Variants in IRAG2 observed in about 807,000 individuals in gnomAD.
The protein encoded by IRAG2 is inositol 1,4,5-triphosphate receptor associated 2.
IRAG2 carries 45 observed loss-of-function variants against 69.9 expected under a neutral mutation model. The ratio of observed to expected loss-of-function variants is 0.64; its 90% CI spans 0.51 to 0.83. The LOEUF (loss-of-function observed/expected upper bound fraction) is 0.83, where lower values mean the gene tolerates loss of function less well. Ranked by LOEUF, IRAG2 falls within the 40% of genes least tolerant of loss-of-function variation. The pLI, the probability that IRAG2 is intolerant of heterozygous loss-of-function variation, is 0.00. For synonymous variants in IRAG2, 193 were observed against 202.4 expected, an observed-to-expected ratio of 0.95 and a Z score of 0.40; for missense variants, 520 against 587.0, an observed-to-expected ratio of 0.89 and a Z score of 1.18.
At chr12:25,103,184 A>G (rs1291387215) in intron 17 of IRAG2, 8 of 152,222 alleles carry the variant, frequency 5.3e-5, no homozygotes, top group Admixed American at 5.2e-4. Context: ...ACTTATTTAA[A>G]CCTTAAGAAC....
chr12:25,104,102 T>G (rs1447504728), intron 19 of IRAG2, 44 bp downstream of exon 19: 1 of 1,554,346 alleles, frequency 6.4e-7, no homozygotes, highest in Non-Finnish European at 8.9e-7. Flanking sequence ...CTTACTATTT[T>G]ATACTTGGGC....
At chr12:25,012,833 GA>G (rs1482228668) in intron 3 of IRAG2, among the ~76,000 whole-genome samples, 2 of 152,178 alleles carry the variant, frequency 1.3e-5, no homozygotes, top group African/African-American at 4.8e-5. Context: ...CAAAAAGAGA[GA>G]AAATGTCAAG....
rs1369064977 is a variant in IRAG2 at position 25,103,063 on chromosome 12, C to T, written c.934-774C>T. ...GGGCCGCAGTTTCATATTCTTGATG[C>T]TCAACTAACCTATGAAATTAAATTA... On this transcript the variant is annotated intron_variant, in intron 17 of 21. Transcript: ENST00000556887. 3.3e-5 allele frequency: 5 copies of T among 152,138 alleles called. No homozygotes were observed. The South Asian group carries it at 8.3e-4, about 25-fold the overall frequency. 9.4% of individuals were successfully genotyped at this position (152,138 alleles called of 1,614,324 possible). A position where few individuals can be genotyped will look rare whatever the true frequency, so the allele number is the denominator to read the frequency against.
chr12:25,063,806 A>C lies in IRAG2; in HGVS notation c.-217A>C, dbSNP rs1434498478. 5.0e-6 allele frequency: 2 copies of C among 398,908 alleles called. No individual in the cohort carries two copies. The highest frequency in any genetic ancestry group is 4.1e-5 in the African/African-American group (2 of 48,628). 24.7% of individuals were successfully genotyped at this position (398,908 alleles called of 1,614,324 possible). A position where few individuals can be genotyped will look rare whatever the true frequency, so the allele number is the denominator to read the frequency against. On this transcript the variant is annotated 5_prime_UTR_variant, in exon 4 of 22. Coordinates refer to ENST00000556887, the MANE Select transcript of IRAG2 (RefSeq NM_001366544.2). The stretch of plus-strand genomic sequence containing the variant: ...CCTTGAAACATACGTGCTGGTACAC[A>C]CCTCTGCTGGGTAAGCCCCCCTTCT...
Position 25,021,061 on chromosome 12 carries a change from A to G in IRAG2, c.1332+154A>G, listed in dbSNP as rs992632409. On this transcript the variant is annotated intron_variant, in intron 7 of 38. Coordinates refer to the IRAG2 transcript ENST00000636465. The stretch of plus-strand genomic sequence containing the variant: ...GTAAAGGCAGGTAGGATTTTTTTAA[A>G]TCTGTGTTTTCCTTTTCTTTCTTTC... The G allele has an allele frequency of 3.8e-5, 15 of 394,704 alleles. No homozygotes were observed. The East Asian group carries it at 5.5e-4, about 14-fold the overall frequency. The allele number at this position is 394,704 out of a possible 1,614,324, so 24.5% of individuals were successfully genotyped here. A position where few individuals can be genotyped will look rare whatever the true frequency, so the allele number is the denominator to read the frequency against.
At chr12:25,104,319 A>G in intron 19 of IRAG2, 42 bp from the exon 20 acceptor site, 1 of 1,233,222 alleles carries the variant, frequency 8.1e-7, no homozygotes, top group Non-Finnish European at 1.2e-6. Context: ...ATGGCTACAG[A>G]TGTATTTGAT....
At chr12:25,031,112 AATG>A (rs1944664439) in intron 10 of IRAG2, 5 of 972,232 alleles carry the variant, frequency 5.1e-6, no homozygotes, top group Non-Finnish European at 6.1e-6. Context: ...GTGAAGAAAG[AATG>A]ATATTTGCCA....
At position 25,043,987 on chromosome 12, in the gene IRAG2, A is replaced by G. The variant is rs543330252; in HGVS notation, c.2144+5850A>G. ...AAAGTAAGAATTTTAACAAAAAGAAAATACAAACACAGAACACTGTAACAC... is the reference window on the plus strand; with the variant it reads ...AAAGTAAGAATTTTAACAAAAAGAAGATACAAACACAGAACACTGTAACAC... On this transcript the variant is annotated intron_variant, in intron 16 of 38. Transcript: ENST00000636465. 3.0e-4 allele frequency among the ~76,000 whole-genome samples: 46 copies of G among 152,354 alleles called. 2 individuals carry two copies. Among genetic ancestry groups the G allele is most frequent in the African/African-American group, 9.9e-4 (41 of 41,588 alleles).
At chr12:25,066,689 A>T in intron 5 of IRAG2, among the ~76,000 whole-genome samples, 177 bp downstream of exon 5, 1 of 148,378 alleles carries the variant, frequency 6.7e-6, no homozygotes, top group Non-Finnish European at 1.5e-5. Flanking sequence ...TTGAGATGGA[A>T]TCTCGCTCTC....
upstream of IRAG2, among the ~76,000 whole-genome samples, chr12:25,002,318 T>C (rs1944397325): frequency 6.6e-6 from 1 of 152,226 alleles, no homozygotes; most frequent in South Asian, 2.1e-4. Flanking sequence ...GATAAGTCCA[T>C]AAGCCCACTA....
chr12:25,020,258 T>C (rs1944567303), intron 6 of IRAG2, among the ~76,000 whole-genome samples: 1 of 152,242 alleles, frequency 6.6e-6, no homozygotes, highest in African/African-American at 2.4e-5. Context: ...TTCCAATGCT[T>C]TGTTATAATC....
Position 25,106,950 on chromosome 12 carries a change from G to T in IRAG2, c.1156G>T (p.Asp386Tyr). 1 of 1,555,216 alleles carries T rather than the reference G, an allele frequency of 6.4e-7. No individual in the cohort carries two copies. The highest frequency in any genetic ancestry group is 1.4e-5 in the African/African-American group (1 of 73,040). Reference protein sequence around the residue: ...EEEKCELKTKDDSEPSGEETV... With the variant: ...EEEKCELKTKYDSEPSGEETV... ...AACAACATTTATTTACAGAACTAAA[G>T]ATGACTCAGAGCCATCTGGAGAAGA... Residue 386 changes from aspartate to tyrosine, a missense_variant, in exon 21 of 22, where the codon GAT (aspartate) becomes TAT (tyrosine). Asp to Tyr is a radical substitution (Grantham distance 160, BLOSUM62 -3). Coordinates refer to ENST00000556887, the MANE Select transcript of IRAG2 (RefSeq NM_001366544.2).
chr12:25,060,104 A>G (rs1034624355), intron 1 of IRAG2, among the ~76,000 whole-genome samples: 3 of 152,170 alleles, frequency 2.0e-5, no homozygotes, highest in African/African-American at 7.2e-5. Context: ...ATCCTTGTTT[A>G]AGTTTTGCTT....
chr12:25,074,443 A>G (rs1446921520), intron 6 of IRAG2, among the ~76,000 whole-genome samples: 1 of 152,038 alleles, frequency 6.6e-6, no homozygotes, highest in East Asian at 1.9e-4. Context: ...CAGACTTTTA[A>G]CCTCTCGAGA....
At chr12:25,054,319 A>G (rs1307896831) in intron 1 of IRAG2, among the ~76,000 whole-genome samples, 1 of 152,140 alleles carries the variant, frequency 6.6e-6, no homozygotes, top group Non-Finnish European at 1.5e-5. Flanking sequence ...AGGCATTCCA[A>G]AGTTGGTTTA....
At chr12:25,106,629 C>G (rs1949159792) in intron 20 of IRAG2, among the ~76,000 whole-genome samples, 1 of 125,760 alleles carries the variant, frequency 8.0e-6, no homozygotes, top group Non-Finnish European at 1.7e-5. Flanking sequence ...TCTGAAAGTT[C>G]TTTTTAAATT....
Position 25,106,382 on chromosome 12 carries a change from AAT to A in IRAG2, c.1149-558_1149-557del, listed in dbSNP as rs1353139437. On this transcript the variant is annotated intron_variant, in intron 20 of 21. Coordinates refer to ENST00000556887, the MANE Select transcript of IRAG2 (RefSeq NM_001366544.2). ...ATATATATAAATATATATATTATGG[AAT>A]ATGTGTGTATATATTATAAACTTTG... Among the ~76,000 whole-genome samples, 15 of 139,012 alleles carry A rather than the reference AAT, an allele frequency of 1.1e-4. No individual in the cohort carries two copies. In the East Asian group the frequency reaches 3.3e-3, roughly 31 times the overall value. The allele number at this position is 139,012 out of a possible 152,430, so 91.2% of individuals were successfully genotyped here.
intron 5 of IRAG2, among the ~76,000 whole-genome samples, chr12:25,068,578 G>C (rs1443949017): frequency 2.6e-5 from 4 of 152,136 alleles, no homozygotes; most frequent in African/African-American, 9.7e-5. Flanking sequence ...ACCACAGATT[G>C]GTTCCCCTGG....
At chr12:25,011,376 G>A in exon 3 of IRAG2, 1 of 1,231,754 alleles carries the variant, frequency 8.1e-7, no homozygotes, top group Non-Finnish European at 1.0e-6. Flanking sequence ...CAAAGGCTCA[G>A]TCGGAGTGGC....
Sources: gnomAD v4.1 joint callset for allele counts (sites outside exome capture counted in the v4.1 genomes callset) on GRCh38, gnomAD v4.1.1 for gene constraint, MANE v1.5 for transcripts, NCBI Gene and HGNC (gene_info 2026-07-23, HGNC 2026-07-21) for gene names.